The following ALOX5AP variants were observed in gnomAD, a reference collection of about 807,000 sequenced individuals.
ALOX5AP encodes arachidonate 5-lipoxygenase-activating protein.
A neutral mutation model predicts 18.5 loss-of-function variants in ALOX5AP; 9 were observed. The observed-to-expected ratio is 0.49, with a 90% confidence interval of 0.29 to 0.85. The LOEUF (loss-of-function observed/expected upper bound fraction) is 0.85, where lower values mean the gene tolerates loss of function less well. Among genes scored for constraint, ALOX5AP ranks in the 40% least tolerant of loss-of-function variants. ALOX5AP has a pLI of 0.08. For synonymous variants in ALOX5AP, 81 were observed against 78.6 expected (o/e 1.03, Z -0.16); for missense variants, 172 against 202.5 (o/e 0.85, Z 0.91).
chr13:30,723,772 T>A lies in ALOX5AP; in HGVS notation c.116+9931T>A, dbSNP rs576854309. Among the ~76,000 whole-genome samples, 801 of 152,334 alleles carry A rather than the reference T, an allele frequency of 5.3e-3. 5 individuals are homozygous for A. The highest frequency in any genetic ancestry group is 0.019 in the African/African-American group (770 of 41,564). ...TAAACATCAAACATTTTTAATTTTT[T>A]AAATTTTTTTAGAGACAGGGTCTTG... On this transcript the variant is annotated intron_variant, in intron 1 of 5. Coordinates refer to the ALOX5AP transcript ENST00000617770.
chr13:30,718,565 C>T lies in ALOX5AP; in HGVS notation c.116+4724C>T, dbSNP rs369313459. Reference sequence around the variant, plus strand: ...GCTCACACCATGAACTGCAAACTCTCGTGTGGCTTCAGCCTCTTCTCTGAA... The same window carrying T: ...GCTCACACCATGAACTGCAAACTCTTGTGTGGCTTCAGCCTCTTCTCTGAA... On this transcript the variant is annotated intron_variant, in intron 1 of 5. Transcript: ENST00000617770. Among the ~76,000 whole-genome samples the T allele has an allele frequency of 5.6e-4, 85 of 152,188 alleles. No homozygotes were observed. The South Asian group carries it at 0.016, about 28-fold the overall frequency.
intron 1 of ALOX5AP, among the ~76,000 whole-genome samples, chr13:30,724,725 C>T (rs897631689): frequency 5.9e-5 from 9 of 152,172 alleles, no homozygotes; most frequent in Admixed American, 4.6e-4. Context: ...TGTCTTTTGA[C>T]CTGAGTTTCC....
chr13:30,733,854 C>A (rs1416972830), upstream of ALOX5AP, among the ~76,000 whole-genome samples: 2 of 150,946 alleles, frequency 1.3e-5, no homozygotes, highest in African/African-American at 2.5e-5. Flanking sequence ...CTTTTGGATT[C>A]AGACTGGGTC....
chr13:30,725,405 C>T (rs145415215), intron 1 of ALOX5AP, among the ~76,000 whole-genome samples: 1 of 152,380 alleles, frequency 6.6e-6, no homozygotes, highest in African/African-American at 2.4e-5. Context: ...TCTCTTTCCC[C>T]AGCCACTGTT....
At chr13:30,731,340 C>CT (rs1463736893), upstream of ALOX5AP, among the ~76,000 whole-genome samples, 1 of 151,738 alleles carries the variant, frequency 6.6e-6, no homozygotes, top group Non-Finnish European at 1.5e-5. Context: ...AACCCTTGTT[C>CT]TGCTCCTTGC....
chr13:30,763,643 A>T (rs921125356), intron 4 of ALOX5AP, among the ~76,000 whole-genome samples: 2 of 152,346 alleles, frequency 1.3e-5, no homozygotes, highest in East Asian at 1.9e-4. Flanking sequence ...TCTTCAGGCC[A>T]TCAAGGAGCT....
intron 1 of ALOX5AP, among the ~76,000 whole-genome samples, chr13:30,721,589 A>C (rs1951594386): frequency 6.6e-6 from 1 of 152,094 alleles, no homozygotes; most frequent in Admixed American, 6.6e-5. Context: ...TCTTCTCTGG[A>C]ACAGACCCCA....
chr13:30,724,827 T>C (rs779054811), intron 1 of ALOX5AP, among the ~76,000 whole-genome samples: 1 of 152,170 alleles, frequency 6.6e-6, no homozygotes, highest in Admixed American at 6.5e-5. Flanking sequence ...TGGGCCCAAG[T>C]AGGTCCTGCA....
At chr13:30,762,314 C>A (rs1412583510) in intron 4 of ALOX5AP, among the ~76,000 whole-genome samples, 2 of 152,094 alleles carry the variant, frequency 1.3e-5, no homozygotes, top group Non-Finnish European at 2.9e-5. Context: ...GTTGGCTGGG[C>A]GTGGTGGCTC....
intron 1 of ALOX5AP, among the ~76,000 whole-genome samples, chr13:30,715,852 C>T (rs1300793853): frequency 3.3e-5 from 5 of 151,790 alleles, no homozygotes; most frequent in African/African-American, 9.7e-5. Context: ...TCCTAGCTAC[C>T]GAATCCAGCA....
intron 1 of ALOX5AP, among the ~76,000 whole-genome samples, chr13:30,723,284 C>T (rs953818067): frequency 2.0e-5 from 3 of 152,198 alleles, no homozygotes; most frequent in African/African-American, 4.8e-5. Context: ...TTGTGAGGGA[C>T]ATAAGGTCTG....
In ALOX5AP at chr13:30,756,033, AC is replaced by A; in HGVS notation, c.323+9del. The A allele has an allele frequency of 6.2e-7, 1 of 1,613,090 alleles. No homozygotes were observed. Among genetic ancestry groups the A allele is most frequent in the Non-Finnish European group, 8.5e-7 (1 of 1,179,038 alleles). ...AGGAGAGAGAACGCAGAGGTAGGTAACTGGGACTACTAAAGAACTGTGGAGC... is the reference window on the plus strand; with the variant it reads ...AGGAGAGAGAACGCAGAGGTAGGTAATGGGACTACTAAAGAACTGTGGAGC... On this transcript the variant is annotated intron_variant, in intron 4 of 4. Coordinates refer to ENST00000380490, the MANE Select transcript of ALOX5AP (RefSeq NM_001629.4).
At chr13:30,746,641 C>G (rs1458292542) in intron 2 of ALOX5AP, among the ~76,000 whole-genome samples, 1 of 152,228 alleles carries the variant, frequency 6.6e-6, no homozygotes, top group Non-Finnish European at 1.5e-5. Context: ...GTCGTCCCAG[C>G]AGCAGCTTCT....
At chr13:30,737,478 G>A (rs918543742) in intron 1 of ALOX5AP, among the ~76,000 whole-genome samples, 5 of 152,204 alleles carry the variant, frequency 3.3e-5, no homozygotes, top group African/African-American at 9.7e-5. Context: ...GGGAGGTAGA[G>A]GTAAGATTAA....
chr13:30,734,343 G>A (rs370151892), upstream of ALOX5AP, among the ~76,000 whole-genome samples: 1 of 152,092 alleles, frequency 6.6e-6, no homozygotes, highest in Admixed American at 6.5e-5. Flanking sequence ...CTATGAGGGA[G>A]CAATATCTTC....
At chr13:30,719,232 A>T (rs1037727193) in intron 1 of ALOX5AP, among the ~76,000 whole-genome samples, 1 of 152,186 alleles carries the variant, frequency 6.6e-6, no homozygotes, top group Non-Finnish European at 1.5e-5. Context: ...AATAGACATA[A>T]AGTGCTGTAT....
chr13:30,764,048 T>G lies in ALOX5AP; in HGVS notation c.428T>G (p.Phe143Cys). The change falls in exon 5 of 5, where the codon TTT (phenylalanine) becomes TGT (cysteine). Residue 143 changes from phenylalanine (F) to cysteine (C), a missense_variant. Phe to Cys is a radical substitution (Grantham distance 205, BLOSUM62 -2). Coordinates refer to ENST00000380490, the MANE Select transcript of ALOX5AP (RefSeq NM_001629.4). ...CTCATCTTCTTTTTCGGAAGTGACTTTGAAAACTACATAAAGACGATCTCC... is the reference window on the plus strand; with the variant it reads ...CTCATCTTCTTTTTCGGAAGTGACTGTGAAAACTACATAAAGACGATCTCC... ...YYLIFFFGSDFENYIKTISTT... is the reference protein window; with the variant it reads ...YYLIFFFGSDCENYIKTISTT... 6.2e-7 allele frequency: 1 copy of G among 1,614,156 alleles called. No individual in the cohort carries two copies. The highest frequency in any genetic ancestry group is 8.5e-7 in the Non-Finnish European group (1 of 1,180,028).
chr13:30,729,393 C>T (rs1219448916), intron 1 of ALOX5AP, among the ~76,000 whole-genome samples: 1 of 152,084 alleles, frequency 6.6e-6, no homozygotes, highest in African/African-American at 2.4e-5. Context: ...AAAAGACTTT[C>T]CTTTCCCCAT....
At chr13:30,738,524 G>C (rs1373231268) in intron 1 of ALOX5AP, among the ~76,000 whole-genome samples, 1 of 152,220 alleles carries the variant, frequency 6.6e-6, no homozygotes, top group Non-Finnish European at 1.5e-5. Flanking sequence ...TGTCTCCCCA[G>C]TTTGGGGCTT....
Sources: allele counts gnomAD v4.1 joint callset (sites outside exome capture counted in the v4.1 genomes callset), GRCh38; gene constraint gnomAD v4.1.1; transcripts MANE v1.5; gene names NCBI Gene and HGNC (gene_info 2026-07-23, HGNC 2026-07-21).